The following CHST11 variants were observed in gnomAD, a reference collection of about 807,000 sequenced individuals.
CHST11 encodes carbohydrate sulfotransferase 11.
In CHST11, 9 loss-of-function variants were observed where a neutral mutation model predicts 30.4. The observed-to-expected ratio is 0.30, with a 90% CI of 0.18 to 0.52. The LOEUF (loss-of-function observed/expected upper bound fraction) is 0.52. Among genes scored for constraint, CHST11 ranks in the 20% least tolerant of loss-of-function variants. CHST11 has a pLI of 0.97. For missense variants in CHST11, 348 were observed against 460.6 expected, an observed-to-expected ratio of 0.76 and a Z score of 2.24; for synonymous variants, 152 against 187.8, an observed-to-expected ratio of 0.81 and a Z score of 1.56.
At chr12:104,638,423 AGGT>A (rs2039346296) in intron 2 of CHST11, among the ~76,000 whole-genome samples, 1 of 152,178 alleles carries the variant, frequency 6.6e-6, no homozygotes. Context: ...TATTAGCAAT[AGGT>A]GTCAACCACT....
intron 2 of CHST11, among the ~76,000 whole-genome samples, chr12:104,737,776 G>GT (rs1205974001): frequency 1.3e-5 from 2 of 152,212 alleles, no homozygotes; most frequent in African/African-American, 4.8e-5. Flanking sequence ...CCACCAGGCA[G>GT]TTTTGCAGGG....
At chr12:104,645,869 C>T (rs2039424310) in intron 2 of CHST11, among the ~76,000 whole-genome samples, 1 of 152,198 alleles carries the variant, frequency 6.6e-6, no homozygotes, top group Non-Finnish European at 1.5e-5. Context: ...GGGTGTGGCT[C>T]CCAGTGGGGC....
intron 2 of CHST11, among the ~76,000 whole-genome samples, chr12:104,669,573 T>G (rs1243375141): frequency 6.6e-6 from 1 of 152,166 alleles, no homozygotes; most frequent in Non-Finnish European, 1.5e-5. Context: ...AGGCCTACAT[T>G]GTGTTTGTAG....
chr12:104,698,003 A>G (rs2136111476), intron 2 of CHST11, among the ~76,000 whole-genome samples: 1 of 152,260 alleles, frequency 6.6e-6, no homozygotes, highest in South Asian at 2.1e-4. Flanking sequence ...TCCAAGCCTC[A>G]TTACTCATCT....
In CHST11 at chr12:104,692,296, T is replaced by C. The variant is rs528333030; in HGVS notation, c.205-64653T>C. Among the ~76,000 whole-genome samples the C allele has an allele frequency of 2.0e-4, 30 of 152,312 alleles. 1 individual carries two copies. In the South Asian group the frequency reaches 6.0e-3, roughly 31 times the overall value. ...CTCATCCTCACTCTGAAGTCGGGCATTGTCCATCCAGACAATGTGTTTGAC... is the reference window on the plus strand; with the variant it reads ...CTCATCCTCACTCTGAAGTCGGGCACTGTCCATCCAGACAATGTGTTTGAC... On this transcript the variant is annotated intron_variant, in intron 2 of 2. Transcript: ENST00000303694.
intron 2 of CHST11, among the ~76,000 whole-genome samples, chr12:104,603,037 G>A (rs2038972086): frequency 6.6e-6 from 1 of 152,182 alleles, no homozygotes; most frequent in Non-Finnish European, 1.5e-5. Flanking sequence ...GTCTTGAGGT[G>A]TGACTTGGCC....
At chr12:104,700,650 G>A (rs1437752381) in intron 2 of CHST11, among the ~76,000 whole-genome samples, 1 of 152,126 alleles carries the variant, frequency 6.6e-6, no homozygotes, top group Admixed American at 6.5e-5. Context: ...CTGGCACCTG[G>A]TAATACATTC....
At chr12:104,556,767 G>A (rs938170901) in intron 1 of CHST11, among the ~76,000 whole-genome samples, 3 of 152,164 alleles carry the variant, frequency 2.0e-5, no homozygotes, top group Non-Finnish European at 4.4e-5. Context: ...GATCACCTGA[G>A]GTCAGGAGTT....
At chr12:104,673,732 G>A (rs144354988) in intron 2 of CHST11, among the ~76,000 whole-genome samples, 2 of 152,248 alleles carry the variant, frequency 1.3e-5, no homozygotes, top group African/African-American at 4.8e-5. Context: ...TCGACTTTTC[G>A]ACCTACTTAA....
At chr12:104,624,538 A>C (rs12820999) in intron 2 of CHST11, among the ~76,000 whole-genome samples, 1,993 of 152,314 alleles carry the variant, frequency 0.013, 13 homozygotes, top group Middle Eastern at 0.048. Context: ...GGGAAAAATG[A>C]ATGAAGAAGT....
At chr12:104,667,699 T>C (rs2039654199) in intron 2 of CHST11, among the ~76,000 whole-genome samples, 1 of 152,126 alleles carries the variant, frequency 6.6e-6, no homozygotes. Flanking sequence ...AGTTTCCTCA[T>C]CGGTAAAGCA....
intron 2 of CHST11, among the ~76,000 whole-genome samples, chr12:104,611,228 TA>T (rs55900800): frequency 0.2 from 30,919 of 152,186 alleles, 3,714 homozygotes; most frequent in Admixed American, 0.28. Context: ...ATTTAGTCAA[TA>T]AAAAATGTAT....
chr12:104,684,815 C>A (rs1049507296), intron 2 of CHST11, among the ~76,000 whole-genome samples: 13 of 152,194 alleles, frequency 8.5e-5, no homozygotes, highest in Non-Finnish European at 2.9e-5. Flanking sequence ...TCCCAAAGTG[C>A]TGGGATTACA....
At chr12:104,459,298 G>A (rs2037385684) in intron 1 of CHST11, among the ~76,000 whole-genome samples, 1 of 152,322 alleles carries the variant, frequency 6.6e-6, no homozygotes, top group South Asian at 2.1e-4. Flanking sequence ...GCCCACCGGA[G>A]ACCGGGCCAG....
intron 2 of CHST11, among the ~76,000 whole-genome samples, chr12:104,694,713 ACT>A (rs1437226486): frequency 6.6e-6 from 1 of 151,958 alleles, no homozygotes; most frequent in African/African-American, 2.4e-5. Context: ...AACGATGGAA[ACT>A]CTTTGAACTC....
At chr12:104,746,570 C>T (rs1032134782) in intron 2 of CHST11, among the ~76,000 whole-genome samples, 3 of 152,152 alleles carry the variant, frequency 2.0e-5, no homozygotes, top group Non-Finnish European at 2.9e-5. Flanking sequence ...TTTCCAGCCA[C>T]GGTGCATTTT....
intron 2 of CHST11, among the ~76,000 whole-genome samples, chr12:104,679,437 A>G (rs2039773504): frequency 6.6e-6 from 1 of 151,990 alleles, no homozygotes; most frequent in African/African-American, 2.4e-5. Flanking sequence ...CCTGCTCCAT[A>G]TCCCCCTGAG....
At chr12:104,519,900 G>C (rs75077661) in intron 1 of CHST11, among the ~76,000 whole-genome samples, 4,764 of 152,266 alleles carry the variant, frequency 0.031, 245 homozygotes, top group African/African-American at 0.11. Context: ...TTTGTTGAAG[G>C]CTTTTCTGCA....
intron 1 of CHST11, among the ~76,000 whole-genome samples, chr12:104,561,539 T>C (rs1165175299): frequency 1.3e-5 from 2 of 152,236 alleles, no homozygotes; most frequent in Non-Finnish European, 1.5e-5. Context: ...GGGGAACAAG[T>C]GAAGTCTCTG....
Sources: gnomAD v4.1 joint callset for allele counts (sites outside exome capture counted in the v4.1 genomes callset) on GRCh38, gnomAD v4.1.1 for gene constraint, MANE v1.5 for transcripts, NCBI Gene and HGNC (gene_info 2026-07-23, HGNC 2026-07-21) for gene names.